USP8: variants seen among roughly 807,000 people sequenced by gnomAD.
USP8 encodes the protein ubiquitin carboxyl-terminal hydrolase 8.
Under a neutral mutation model 130.0 loss-of-function variants are expected in USP8, and 27 were observed. That is an observed-to-expected ratio of 0.21 (90% CI 0.15 to 0.29). USP8 has a LOEUF of 0.29. Ranked by LOEUF, USP8 falls within the 10% of genes least tolerant of loss-of-function variation. The pLI is 1.00. For missense variants in USP8, 1,029 were observed against 1,312.2 expected (o/e 0.78, Z 3.33); for synonymous variants, 392 against 444.1 (o/e 0.88, Z 1.48).
At chr15:50,489,545 A>T (rs1005226427) in intron 12 of USP8, 3 of 173,724 alleles carry the variant, frequency 1.7e-5, no homozygotes, top group African/African-American at 7.1e-5. Flanking sequence ...AAGGCCATCT[A>T]CCTCCACCTT....
chr15:50,434,047 TC>T (rs1487381209), intron 1 of USP8, among the ~76,000 whole-genome samples: 2 of 152,188 alleles, frequency 1.3e-5, no homozygotes, highest in African/African-American at 4.8e-5. Flanking sequence ...TGTTAATTTT[TC>T]TTGCATATAC....
At chr15:50,467,011 T>C in intron 7 of USP8, 1 of 528,368 alleles carries the variant, frequency 1.9e-6, no homozygotes, top group Non-Finnish European at 3.4e-6. Context: ...CTCATTGACT[T>C]GCACATCCTT....
intron 5 of USP8, among the ~76,000 whole-genome samples, chr15:50,459,369 A>T (rs980626778): frequency 4.6e-5 from 7 of 152,206 alleles, no homozygotes; most frequent in Non-Finnish European, 1.0e-4. Context: ...AGATCACTTG[A>T]GGCCAGGAGC....
chr15:50,441,295 T>C, intron 2 of USP8, 54 bp from the exon 3 acceptor site: 1 of 1,503,264 alleles, frequency 6.7e-7, no homozygotes, highest in Non-Finnish European at 8.9e-7. Flanking sequence ...ATATGACCTG[T>C]ATTTTTTCCC....
chr15:50,473,842 T>A (rs984676026), intron 8 of USP8, among the ~76,000 whole-genome samples: 5 of 151,308 alleles, frequency 3.3e-5, no homozygotes, highest in African/African-American at 1.2e-4. Context: ...TAATTTAATT[T>A]TATTTATTTC....
In USP8 at chr15:50,497,248, GTCC is replaced by G. The variant is rs569932620; in HGVS notation, c.3038+22_3038+24del. 2.2e-5 allele frequency: 35 copies of G among 1,592,040 alleles called. No individual in the cohort carries two copies. The East Asian group carries it at 4.1e-4, about 18-fold the overall frequency. On this transcript the variant is annotated intron_variant, in intron 18 of 19. Transcript: ENST00000307179. ...TCTGAAACGGTAAAGGGGAAAGTTT[GTCC>G]TCCTGTTCAGTGAAATTAAATGAGG...
rs1205414153 is a variant in USP8, at chr15:50,512,876, C to T, written c.*13788C>T. The T allele has an allele frequency of 6.6e-6, 1 of 152,100 alleles. No homozygotes were observed. Among genetic ancestry groups the T allele is most frequent in the Non-Finnish European group, 1.5e-5 (1 of 68,028 alleles). 9.4% of individuals were successfully genotyped at this position (152,100 alleles called of 1,614,324 possible). ...GTGGTATGTGAACTATCTCTAAGAACTTCTTTTTATTTAAGTTGGGAAACA... is the reference window on the plus strand; with the variant it reads ...GTGGTATGTGAACTATCTCTAAGAATTTCTTTTTATTTAAGTTGGGAAACA... On this transcript the variant is annotated 3_prime_UTR_variant, in exon 20 of 20. Transcript: ENST00000307179.
In USP8 at chr15:50,501,790, C is replaced by G. The variant is rs1472420411; in HGVS notation, c.*2702C>G. The stretch of plus-strand genomic sequence containing the variant: ...CCACGGCCCGTGGGTCAACTCCAGG[C>G]TGTTTTTGTAAGACCCATGCATTAG... On this transcript the variant is annotated 3_prime_UTR_variant, in exon 20 of 20. Coordinates refer to ENST00000307179, the MANE Select transcript of USP8 (RefSeq NM_005154.5). 6.6e-6 allele frequency: 1 copy of G among 152,032 alleles called. No homozygotes were observed. Among genetic ancestry groups the G allele is most frequent in the Non-Finnish European group, 1.5e-5 (1 of 68,020 alleles). 9.4% of individuals were successfully genotyped at this position (152,032 alleles called of 1,614,324 possible).
In USP8 at chr15:50,512,219, T is replaced by C. The variant is rs138231367; in HGVS notation, c.*13131T>C. 6.6e-6 allele frequency: 1 copy of C among 151,722 alleles called. No homozygotes were observed. The highest frequency in any genetic ancestry group is 1.5e-5 in the Non-Finnish European group (1 of 68,014). 9.4% of individuals were successfully genotyped at this position (151,722 alleles called of 1,614,324 possible). On this transcript the variant is annotated 3_prime_UTR_variant, in exon 20 of 20. Coordinates refer to ENST00000307179, the MANE Select transcript of USP8 (RefSeq NM_005154.5). ...AAAATACACCTGTAGTCCCAGCTAC[T>C]CGGGAGGCTGAGTTACGAGAATCCC...
At chr15:50,489,925 A>G in intron 13 of USP8, 44 bp downstream of exon 13, 2 of 1,456,884 alleles carry the variant, frequency 1.4e-6, no homozygotes, top group Non-Finnish European at 1.9e-6. Context: ...GTGTTCCTAA[A>G]AAATGTTTTA....
rs35523535 is a variant in USP8, at chr15:50,513,518, T to TAAAAAAAAAAAAAAAAAAAAAA, written c.*14450_*14451insAAAAAAAAAAAAAAAAAAAAAA. ...AGTTCGAGACAAGAGCGAAACTGTCTAAAAAAAAAAAAAAAAAAAAGAGTG... is the reference window on the plus strand; with the variant it reads ...AGTTCGAGACAAGAGCGAAACTGTCTAAAAAAAAAAAAAAAAAAAAAAAAAAAAAAAAAAAAAAAAAAGAGTG... On this transcript the variant is annotated 3_prime_UTR_variant, in exon 20 of 20. Coordinates refer to ENST00000307179, the MANE Select transcript of USP8 (RefSeq NM_005154.5). 1.2e-5 allele frequency: 1 copy of TAAAAAAAAAAAAAAAAAAAAAA among 85,980 alleles called. No homozygotes were observed. 5.3% of individuals were successfully genotyped at this position (85,980 alleles called of 1,614,324 possible).
At chr15:50,424,542 C>T (rs2049632737) in intron 1 of USP8, 28 bp downstream of exon 1, 1 of 398,622 alleles carries the variant, frequency 2.5e-6, no homozygotes, top group South Asian at 1.3e-4. Context: ...GCCCTAGCAC[C>T]TGTTCTCTGG....
rs1269183220 is a variant in USP8, at chr15:50,471,711, T to A, written c.765T>A (p.Tyr255Ter). The A allele has an allele frequency of 6.2e-7, 1 of 1,614,038 alleles. No homozygotes were observed. The highest frequency in any genetic ancestry group is 1.3e-5 in the African/African-American group (1 of 74,928). Residue 255 changes from tyrosine to a stop codon, truncating the protein, a stop_gained, in exon 8 of 20, where the codon TAT (tyrosine) becomes TAA (stop). Transcript: ENST00000307179. LOFTEE classifies it high-confidence loss of function. Reference sequence around the variant, plus strand: ...GGAAGAAGAGGGGGAATGTGGAGTATGTGGTACTTCTTGACTGGTTTAGTT... The same window carrying A: ...GGAAGAAGAGGGGGAATGTGGAGTAAGTGGTACTTCTTGACTGGTTTAGTT... Reference protein sequence around the residue: ...DTWKKRGNVEYVVLLDWFSSA... With the variant: ...DTWKKRGNVE
Position 50,513,353 on chromosome 15 carries a change from G to T in USP8, c.*14265G>T, listed in dbSNP as rs781672343. On this transcript the variant is annotated 3_prime_UTR_variant, in exon 20 of 20. Transcript: ENST00000307179. ...TATATTCACACAATATACATCATAG[G>T]CTAGTGAAATTATAACCACATGCAA... is the stretch of plus-strand genomic sequence containing the variant. 4 of 151,794 alleles carry T rather than the reference G, an allele frequency of 2.6e-5. No individual in the cohort carries two copies. The highest frequency in any genetic ancestry group is 9.7e-5 in the African/African-American group (4 of 41,312). 9.4% of individuals were successfully genotyped at this position (151,794 alleles called of 1,614,324 possible).
intron 16 of USP8, among the ~76,000 whole-genome samples, chr15:50,495,483 T>C (rs200442497): frequency 6.4e-5 from 6 of 94,402 alleles, no homozygotes; most frequent in Admixed American, 5.7e-4. Context: ...TAGTAGAGAT[T>C]GGAGGGGGGG....
intron 14 of USP8, among the ~76,000 whole-genome samples, chr15:50,491,409 GTTATAGATTTTAGAGTTCATTATAA>G (rs1268718425): frequency 1.3e-5 from 2 of 152,210 alleles, no homozygotes; most frequent in African/African-American, 4.8e-5. Context: ...TATTAATCTT[GTTATAGATTTTAGAGTTCATTATAA>G]TAACTAGTGA....
chr15:50,454,197 A>G (rs2050716011), intron 4 of USP8, among the ~76,000 whole-genome samples: 1 of 152,102 alleles, frequency 6.6e-6, no homozygotes, highest in Non-Finnish European at 1.5e-5. Context: ...TTAACTAGAT[A>G]CAGGATTCTA....
In USP8 at chr15:50,499,141, C is replaced by G. The variant is rs2052524925; in HGVS notation, c.*53C>G. On this transcript the variant is annotated 3_prime_UTR_variant, in exon 20 of 20. Coordinates refer to ENST00000307179, the MANE Select transcript of USP8 (RefSeq NM_005154.5). Reference sequence around the variant, plus strand: ...TTTTAAAAGGCTCAGCAACACAACTCTTGAAATGCTTATCAGGATAATGGT... The same window carrying G: ...TTTTAAAAGGCTCAGCAACACAACTGTTGAAATGCTTATCAGGATAATGGT... 2.0e-6 allele frequency: 3 copies of G among 1,492,042 alleles called. No homozygotes were observed. The highest frequency in any genetic ancestry group is 2.7e-6 in the Non-Finnish European group (3 of 1,114,240). 92.4% of individuals were successfully genotyped at this position (1,492,042 alleles called of 1,614,324 possible).
intron 6 of USP8, 63 bp from the exon 7 acceptor site, chr15:50,464,971 GTTTGTCCTGTGTT>G (rs1181128956): frequency 1.3e-5 from 20 of 1,547,756 alleles, no homozygotes; most frequent in Non-Finnish European, 1.5e-5. Flanking sequence ...AGAAAAAGCG[GTTTGTCCTGTGTT>G]TTGTGATGTC....
Sources: allele counts gnomAD v4.1 joint callset (sites outside exome capture counted in the v4.1 genomes callset), GRCh38; gene constraint gnomAD v4.1.1; transcripts MANE v1.5; gene names NCBI Gene and HGNC (gene_info 2026-07-23, HGNC 2026-07-21).